FBXO21: variants seen among roughly 807,000 people sequenced by gnomAD.
FBXO21 encodes F-box protein 21.
Under a neutral mutation model 76.6 loss-of-function variants are expected in FBXO21, and 32 were observed. The ratio of observed to expected loss-of-function variants is 0.42; its 90% confidence interval spans 0.32 to 0.56. FBXO21 has a LOEUF of 0.56. FBXO21 is among the 20% of genes least tolerant of loss of function. The pLI is 0.16. For missense variants in FBXO21, 586 were observed against 797.3 expected, an observed-to-expected ratio of 0.73 and a Z score of 3.19; for synonymous variants, 328 against 311.5, an observed-to-expected ratio of 1.05 and a Z score of -0.56.
chr12:117,157,448 A>G (rs920452537), intron 10 of FBXO21, among the ~76,000 whole-genome samples: 7 of 152,304 alleles, frequency 4.6e-5, no homozygotes, highest in African/African-American at 1.7e-4. Context: ...AACTGCTCCA[A>G]TCACTTTGGA....
chr12:117,174,241 C>T lies in FBXO21; in HGVS notation c.840G>A (p.Met280Ile). 6.2e-7 allele frequency: 1 copy of T among 1,613,238 alleles called. No homozygotes were observed. The highest frequency in any genetic ancestry group is 8.5e-7 in the Non-Finnish European group (1 of 1,179,218). The part of the protein sequence containing the change: ...YDQLKFKGNR[M>I]DYYNALNLYM... ...ATAAGTTGAGGGCATTATAGTAATC[C>T]ATTCGATTCCCCTTGAACTTCAGTT... is the stretch of plus-strand genomic sequence containing the variant. The change falls in exon 6 of 12, where the codon ATG (methionine) becomes ATA (isoleucine). Residue 280 changes from methionine (M) to isoleucine (I), a missense_variant. Met to Ile is a conservative substitution (Grantham distance 10). Coordinates refer to ENST00000622495, the MANE Select transcript of FBXO21 (RefSeq NM_015002.3).
In FBXO21 at chr12:117,163,044, C is replaced by T. The variant is rs192856447; in HGVS notation, c.1326+2441G>A. ...TCCTTGGCTGTCTCAGGGGCCCTAG[C>T]GGGATTATGCATTTATTAAGGGTAG... On this transcript the variant is annotated intron_variant, in intron 9 of 11. Coordinates refer to ENST00000622495, the MANE Select transcript of FBXO21 (RefSeq NM_015002.3). 3.5e-4 allele frequency among the ~76,000 whole-genome samples: 54 copies of T among 152,282 alleles called. 1 individual carries two copies. The East Asian group carries it at 8.7e-3, about 24-fold the overall frequency.
In FBXO21 at chr12:117,189,236, A is replaced by G. The variant is rs758575758; in HGVS notation, c.366T>C (p.Phe122=). Residue 122 remains phenylalanine (F), a synonymous_variant, in exon 2 of 12, where the codon TTT becomes TTC. Coordinates refer to ENST00000622495, the MANE Select transcript of FBXO21 (RefSeq NM_015002.3). The part of the protein sequence containing the change: ...KIVASFSKRF[F]SEHVPCNGFS... ...ATCAACAGATCCTTACGTGCTCTGA[A>G]AAGAACCTCTTTGAGAACGAGGCTA... 1.2e-5 allele frequency: 19 copies of G among 1,614,196 alleles called. No homozygotes were observed. In the East Asian group the frequency reaches 3.8e-4, roughly 32 times the overall value.
intron 3 of FBXO21, among the ~76,000 whole-genome samples, chr12:117,181,531 C>T (rs191841124): frequency 2.3e-4 from 35 of 152,218 alleles, no homozygotes; most frequent in Non-Finnish European, 4.3e-4. Context: ...ATTTATCTAT[C>T]TATCTATTTA....
rs1955724932 is a variant in FBXO21, at chr12:117,142,254, A to AG, written c.*3832dup. On this transcript the variant is annotated 3_prime_UTR_variant, in exon 12 of 12. Transcript: ENST00000622495. ...GGAGCTCAGTGGTTCCTGGAGACTCAGGGACCACCTGTATTCCACATCCGG... is the reference window on the plus strand; with the variant it reads ...GGAGCTCAGTGGTTCCTGGAGACTCAGGGGACCACCTGTATTCCACATCCGG... 1 of 152,186 alleles carries AG rather than the reference A, an allele frequency of 6.6e-6. No homozygotes were observed. 9.4% of individuals were successfully genotyped at this position (152,186 alleles called of 1,614,324 possible).
intron 8 of FBXO21, among the ~76,000 whole-genome samples, chr12:117,166,450 A>G (rs1956054848): frequency 6.6e-6 from 1 of 152,182 alleles, no homozygotes; most frequent in African/African-American, 2.4e-5. Flanking sequence ...CAGGGAGGAT[A>G]TGGGAACTCT....
At chr12:117,162,809 C>T (rs959542061) in intron 9 of FBXO21, among the ~76,000 whole-genome samples, 3 of 152,202 alleles carry the variant, frequency 2.0e-5, no homozygotes, top group East Asian at 1.9e-4. Context: ...CATAGAAATC[C>T]GTGCTAGGCT....
chr12:117,189,335 G>C lies in FBXO21; in HGVS notation c.267C>G (p.Ser89Arg). Residue 89 changes from serine (S) to arginine (R), a missense_variant, in exon 2 of 12, where the codon AGC (serine) becomes AGG (arginine). By Grantham distance (110) the Ser-to-Arg change is moderately radical (BLOSUM62 -1). This residue lies in a region of FBXO21 where 152 missense variants were observed against 127.2 expected (regional missense o/e 1.19). Transcript: ENST00000622495. ...VRWPSLMKHYSPTDYVNWLEE... is the reference protein window; with the variant it reads ...VRWPSLMKHYRPTDYVNWLEE... ...CCAACCAATTGACGTAGTCGGTGGGGCTGTAGTGTTTCATAAGGGAAGGCC... is the reference window on the plus strand; with the variant it reads ...CCAACCAATTGACGTAGTCGGTGGGCCTGTAGTGTTTCATAAGGGAAGGCC... The C allele has an allele frequency of 6.2e-7, 1 of 1,614,128 alleles. No individual in the cohort carries two copies. Among genetic ancestry groups the C allele is most frequent in the Non-Finnish European group, 8.5e-7 (1 of 1,180,002 alleles).
intron 2 of FBXO21, among the ~76,000 whole-genome samples, chr12:117,188,275 T>C (rs1956305235): frequency 2.6e-5 from 4 of 152,222 alleles, no homozygotes; most frequent in Admixed American, 2.6e-4. Context: ...CCAGGCACGG[T>C]GGCTCACGCC....
chr12:117,182,015 C>T (rs945486034), intron 3 of FBXO21, among the ~76,000 whole-genome samples: 5 of 151,926 alleles, frequency 3.3e-5, no homozygotes, highest in Non-Finnish European at 5.9e-5. Context: ...TTTTTAAGAC[C>T]ACATAGCACA....
At chr12:117,181,565 GTC>G (rs1224225378) in intron 3 of FBXO21, among the ~76,000 whole-genome samples, 3 of 149,298 alleles carry the variant, frequency 2.0e-5, no homozygotes. Flanking sequence ...ATCTGAGACA[GTC>G]TATCGATCGA....
At chr12:117,188,379 T>C (rs968903439) in intron 2 of FBXO21, among the ~76,000 whole-genome samples, 1 of 152,052 alleles carries the variant, frequency 6.6e-6, no homozygotes, top group African/African-American at 2.4e-5. Flanking sequence ...ACCCCAACTC[T>C]ACTAAAAATA....
chr12:117,155,993 CA>C, intron 10 of FBXO21, 45 bp from the exon 11 acceptor site: 1 of 1,591,130 alleles, frequency 6.3e-7, no homozygotes, highest in Admixed American at 1.7e-5. Context: ...GACCCGGCCG[CA>C]ACAACCTCCA....
At chr12:117,190,137 G>A (rs1263818645) in intron 1 of FBXO21, 81 bp downstream of exon 1, 5 of 731,406 alleles carry the variant, frequency 6.8e-6, no homozygotes, top group Non-Finnish European at 6.7e-6. Flanking sequence ...GGCGGCCGCG[G>A]GGAGCTAGCG....
intron 11 of FBXO21, among the ~76,000 whole-genome samples, chr12:117,152,289 A>T (rs1424860514): frequency 6.6e-6 from 1 of 152,178 alleles, no homozygotes. Context: ...CTACATGGTG[A>T]AACCCCATTT....
chr12:117,147,464 T>C (rs915609935), intron 11 of FBXO21, among the ~76,000 whole-genome samples: 1 of 150,204 alleles, frequency 6.7e-6, no homozygotes. Context: ...CTGGGCGTCA[T>C]GGCGGGCGTC....
intron 8 of FBXO21, among the ~76,000 whole-genome samples, chr12:117,166,272 T>C (rs1446100869): frequency 6.6e-6 from 1 of 151,752 alleles, no homozygotes; most frequent in Non-Finnish European, 1.5e-5. Flanking sequence ...TGTGTGATAC[T>C]ATAAAGGGGG....
At chr12:117,187,159 G>A (rs1015370894) in intron 2 of FBXO21, among the ~76,000 whole-genome samples, 12 of 151,560 alleles carry the variant, frequency 7.9e-5, no homozygotes, top group African/African-American at 2.4e-4. Flanking sequence ...AGTGGCTCAC[G>A]CCTGTAATCC....
intron 2 of FBXO21, among the ~76,000 whole-genome samples, chr12:117,187,475 T>TCTC (rs932870542): frequency 6.6e-6 from 1 of 150,932 alleles, no homozygotes; most frequent in African/African-American, 2.4e-5. Context: ...TTCTATGGCT[T>TCTC]CTCTCAGTTT....
Sources: gnomAD v4.1 joint callset for allele counts (sites outside exome capture counted in the v4.1 genomes callset) on GRCh38, gnomAD v4.1.1 for gene constraint, gnomAD v4.1.1 regional missense constraint, MANE v1.5 for transcripts, NCBI Gene and HGNC (gene_info 2026-07-23, HGNC 2026-07-21) for gene names.